The following OXR1 variants were observed in gnomAD, a reference collection of about 807,000 sequenced individuals.
The protein encoded by OXR1 is oxidation resistance protein 1.
OXR1 carries 41 observed loss-of-function variants against 104.6 expected under a neutral mutation model. The observed-to-expected ratio is 0.39, with a 90% CI of 0.31 to 0.51. The LOEUF (loss-of-function observed/expected upper bound fraction) is 0.51, where lower values mean the gene tolerates loss of function less well. Among genes scored for constraint, OXR1 ranks in the 20% least tolerant of loss-of-function variants. The pLI is 0.77. For missense variants in OXR1, 955 were observed against 1,031.9 expected (o/e 0.93, Z 1.02); for synonymous variants, 348 against 348.4 (o/e 1.00, Z 0.01).
chr8:106,396,589 A>C (rs1817792037), intron 2 of OXR1, among the ~76,000 whole-genome samples: 1 of 152,156 alleles, frequency 6.6e-6, no homozygotes, highest in African/African-American at 2.4e-5. Flanking sequence ...GGGACATGAC[A>C]ACTAAATGCA....
At chr8:106,671,963 T>TATAATAATAATAATA (rs200351866) in intron 3 of OXR1, among the ~76,000 whole-genome samples, 2 of 136,432 alleles carry the variant, frequency 1.5e-5, no homozygotes, top group Non-Finnish European at 3.1e-5. Flanking sequence ...GAACTTAAAG[T>TATAATAATAATAATA]ATAATAATAA....
chr8:106,293,092 C>T (rs780757325), intron 1 of OXR1, among the ~76,000 whole-genome samples: 25 of 152,120 alleles, frequency 1.6e-4, no homozygotes, highest in Non-Finnish European at 3.1e-4. Flanking sequence ...TGGTAGTACA[C>T]AGAAGATTTA....
At chr8:106,369,710 T>A (rs1344380210) in intron 2 of OXR1, among the ~76,000 whole-genome samples, 4 of 152,190 alleles carry the variant, frequency 2.6e-5, no homozygotes, top group Non-Finnish European at 5.9e-5. Flanking sequence ...TGGTTGTAGA[T>A]GTGTCGTGTT....
chr8:106,394,781 C>T (rs1381180365), intron 2 of OXR1, among the ~76,000 whole-genome samples: 2 of 152,128 alleles, frequency 1.3e-5, no homozygotes, highest in South Asian at 2.1e-4. Context: ...AGAGGCTGCA[C>T]AGATGAACTC....
intron 3 of OXR1, among the ~76,000 whole-genome samples, chr8:106,674,884 C>G (rs1827404714): frequency 1.3e-5 from 2 of 152,118 alleles, no homozygotes; most frequent in South Asian, 4.1e-4. Context: ...AAGCTGAGGC[C>G]TCCCCAGCCA....
chr8:106,449,816 T>A (rs1820215241), intron 2 of OXR1, among the ~76,000 whole-genome samples: 1 of 151,926 alleles, frequency 6.6e-6, no homozygotes, highest in African/African-American at 2.4e-5. Context: ...GTCTTTTAAT[T>A]TTTTTTTGCT....
At chr8:106,697,300 C>T in intron 7 of OXR1, 1 of 770,380 alleles carries the variant, frequency 1.3e-6, no homozygotes, top group Non-Finnish European at 2.1e-6. Flanking sequence ...ACAGGCTGAA[C>T]CCCTCACCCT....
At chr8:106,333,685 T>G (rs1035846281) in intron 1 of OXR1, among the ~76,000 whole-genome samples, 1 of 152,116 alleles carries the variant, frequency 6.6e-6, no homozygotes, top group Non-Finnish European at 1.5e-5. Flanking sequence ...CCAATCCACT[T>G]CTTTTTGCAT....
chr8:106,296,436 A>AT (rs1159301248), intron 1 of OXR1, among the ~76,000 whole-genome samples: 4 of 152,116 alleles, frequency 2.6e-5, no homozygotes, highest in Admixed American at 6.5e-5. Flanking sequence ...TGATTGGCAG[A>AT]TTTTTTCTCA....
chr8:106,328,993 G>C (rs1039088106), intron 1 of OXR1, among the ~76,000 whole-genome samples: 3 of 149,914 alleles, frequency 2.0e-5, no homozygotes, highest in African/African-American at 7.6e-5. Context: ...CTTGGGGTCA[G>C]GCTCACCATC....
intron 2 of OXR1, among the ~76,000 whole-genome samples, chr8:106,392,995 A>T (rs1175289595): frequency 6.6e-6 from 1 of 152,136 alleles, no homozygotes; most frequent in Non-Finnish European, 1.5e-5. Context: ...CACACGGGGG[A>T]TCTGGAGAAC....
chr8:106,294,920 A>C (rs1303468716), intron 1 of OXR1, among the ~76,000 whole-genome samples: 1 of 152,216 alleles, frequency 6.6e-6, no homozygotes, highest in African/African-American at 2.4e-5. Context: ...TTTTCATAAC[A>C]ATCTGTGTAT....
intron 2 of OXR1, among the ~76,000 whole-genome samples, chr8:106,478,510 A>T (rs748342722): frequency 6.6e-6 from 1 of 151,874 alleles, no homozygotes; most frequent in Admixed American, 6.6e-5. Context: ...CAGAATAGTA[A>T]GTAAGGAAGT....
At chr8:106,438,738 G>A (rs1418110424) in intron 2 of OXR1, among the ~76,000 whole-genome samples, 1 of 152,096 alleles carries the variant, frequency 6.6e-6, no homozygotes, top group South Asian at 2.1e-4. Flanking sequence ...TTCAATAAAT[G>A]AGAGCAGTAT....
chr8:106,443,927 T>G (rs1030530873), intron 2 of OXR1, among the ~76,000 whole-genome samples: 1 of 152,012 alleles, frequency 6.6e-6, no homozygotes, highest in African/African-American at 2.4e-5. Flanking sequence ...TGGGAGAAAA[T>G]TTTTGAAATC....
chr8:106,713,412 T>A (rs1430801139), intron 10 of OXR1, among the ~76,000 whole-genome samples: 1 of 151,964 alleles, frequency 6.6e-6, no homozygotes, highest in Non-Finnish European at 1.5e-5. Context: ...TTCTATTAAC[T>A]TGGAAAATTG....
intron 1 of OXR1, among the ~76,000 whole-genome samples, chr8:106,310,902 A>G (rs1813672621): frequency 6.6e-6 from 1 of 151,706 alleles, no homozygotes; most frequent in Non-Finnish European, 1.5e-5. Flanking sequence ...CTCAGGTTGG[A>G]TCATTTTTTT....
chr8:106,419,584 G>A (rs1002241190), intron 2 of OXR1, among the ~76,000 whole-genome samples: 4 of 152,140 alleles, frequency 2.6e-5, no homozygotes, highest in Admixed American at 6.6e-5. Context: ...TTGTGGGGCT[G>A]CGGACGGCCT....
chr8:106,538,423 G>A (rs969830), intron 3 of OXR1, among the ~76,000 whole-genome samples: 92 of 152,154 alleles, frequency 6.0e-4, no homozygotes, highest in Non-Finnish European at 1.0e-3. Context: ...AAACATGTTC[G>A]ATTTCTTGTA....
Sources: allele counts gnomAD v4.1 joint callset (sites outside exome capture counted in the v4.1 genomes callset), GRCh38; gene constraint gnomAD v4.1.1; transcripts MANE v1.5; gene names NCBI Gene and HGNC (gene_info 2026-07-23, HGNC 2026-07-21).